MAPKAP1: variants seen among roughly 807,000 people sequenced by gnomAD.
The protein encoded by MAPKAP1 is MAPK associated protein 1, also known as target of rapamycin complex 2 subunit MAPKAP1.
MAPKAP1 carries 20 observed loss-of-function variants against 65.7 expected under a neutral mutation model. The observed-to-expected ratio is 0.30, with a 90% CI of 0.21 to 0.44. The LOEUF (loss-of-function observed/expected upper bound fraction) is 0.44. Among genes scored for constraint, MAPKAP1 ranks in the 20% least tolerant of loss-of-function variants. MAPKAP1 has a pLI of 1.00. For synonymous variants in MAPKAP1, 222 were observed against 244.3 expected (o/e 0.91, Z 0.85); for missense variants, 423 against 648.0 (o/e 0.65, Z 3.77).
chr9:125,659,833 A>G (rs1247487017), intron 3 of MAPKAP1, among the ~76,000 whole-genome samples: 3 of 151,880 alleles, frequency 2.0e-5, no homozygotes, highest in Non-Finnish European at 4.4e-5. Flanking sequence ...CTCTACTTCC[A>G]TTCAATCAAA....
chr9:125,572,782 T>G (rs1589299088), intron 5 of MAPKAP1: 2 of 152,326 alleles, frequency 1.3e-5, no homozygotes, highest in South Asian at 2.1e-4. Context: ...TGGAATAACT[T>G]TACTTATTTT....
intron 4 of MAPKAP1, among the ~76,000 whole-genome samples, chr9:125,624,467 C>T (rs1202546554): frequency 1.9e-4 from 21 of 112,722 alleles, no homozygotes; most frequent in African/African-American, 6.2e-4. Flanking sequence ...GCCAGCCGCC[C>T]CGTCCGGGAG....
Position 125,595,526 on chromosome 9 carries a change from T to C in MAPKAP1, c.499-9799A>G. The C allele has an allele frequency of 8.9e-7, 1 of 1,127,000 alleles. No homozygotes were observed. The highest frequency in any genetic ancestry group is 1.1e-6 in the Non-Finnish European group (1 of 915,922). 69.8% of individuals were successfully genotyped at this position (1,127,000 alleles called of 1,614,324 possible). A position where few individuals can be genotyped will look rare whatever the true frequency, so the allele number is the denominator to read the frequency against. On this transcript the variant is annotated intron_variant, in intron 4 of 11. Coordinates refer to ENST00000265960, the MANE Select transcript of MAPKAP1 (RefSeq NM_001006617.3). The surrounding 1 kb of genome is among the most constrained non-coding windows in gnomAD (Gnocchi z 4.0). ...ATCATATACCTGATAGTTTCCAAAG[T>C]AGGAGAAGCAATAAGAATACAGATG...
chr9:125,656,781 T>C (rs1834043928), intron 4 of MAPKAP1, among the ~76,000 whole-genome samples: 1 of 151,908 alleles, frequency 6.6e-6, no homozygotes, highest in African/African-American at 2.4e-5. Context: ...TGGCAATAAA[T>C]ACAAAAATCA....
In MAPKAP1 at chr9:125,597,058, C is replaced by T. The variant is rs576823823; in HGVS notation, c.499-11331G>A. Among the ~76,000 whole-genome samples the T allele has an allele frequency of 6.0e-4, 90 of 150,442 alleles. 1 individual carries two copies. Among genetic ancestry groups the T allele is most frequent in the Middle Eastern group, 3.6e-3 (1 of 280 alleles). ...CGGGCAGATCACGAGGTCAGGAGAT[C>T]GAGACCATCCTGGCTAACAAAGTGA... is the stretch of plus-strand genomic sequence containing the variant. On this transcript the variant is annotated intron_variant, in intron 4 of 11. Transcript: ENST00000265960.
intron 5 of MAPKAP1, among the ~76,000 whole-genome samples, chr9:125,575,392 C>G (rs557215242): frequency 6.6e-6 from 1 of 152,190 alleles, no homozygotes; most frequent in African/African-American, 2.4e-5. Flanking sequence ...GAGATAAGCC[C>G]TCAAATAGCT....
Position 125,595,881 on chromosome 9 carries a change from T to G in MAPKAP1, c.499-10154A>C. ...ACTGTGGAGGAGGTGGATGCAGCCA[T>G]GAATGCAAGGCCACACAAGGTGGAT... On this transcript the variant is annotated intron_variant, in intron 4 of 11. Transcript: ENST00000265960. This position sits in a 1 kb window ranked among gnomAD's most constrained non-coding sequence, Gnocchi z 4.0. 1 of 1,162,794 alleles carries G rather than the reference T, an allele frequency of 8.6e-7. No individual in the cohort carries two copies. Among genetic ancestry groups the G allele is most frequent in the Non-Finnish European group, 1.3e-6 (1 of 783,598 alleles). The allele number at this position is 1,162,794 out of a possible 1,614,324, so 72.0% of individuals were successfully genotyped here.
rs374025668 is a variant in MAPKAP1 at position 125,438,933 on chromosome 9, C to T, written c.1523G>A (p.Arg508His). 131 of 1,614,118 alleles carry T rather than the reference C, an allele frequency of 8.1e-5. 1 individual carries two copies. The highest frequency in any genetic ancestry group is 2.5e-5 in the Non-Finnish European group (29 of 1,180,034). ...CTCCTTCTGGAAGCTGAAGCTCGTA[C>T]GTCTGTTCAGTTTTCTTTGTTTTTG... ...FAQKQRKLNR[R>H]TSFSFQKEKK... Residue 508 changes from arginine (R) to histidine (H), a missense_variant, in exon 12 of 12, where the codon CGT becomes CAT. Physicochemically the swap from Arg to His is conservative, Grantham distance 29. This residue lies in a region of MAPKAP1 where 185 missense variants were observed against 268.1 expected (regional missense o/e 0.69). Coordinates refer to ENST00000265960, the MANE Select transcript of MAPKAP1 (RefSeq NM_001006617.3).
chr9:125,704,690 C>T (rs937959927), intron 1 of MAPKAP1, among the ~76,000 whole-genome samples: 3 of 152,162 alleles, frequency 2.0e-5, no homozygotes, highest in Non-Finnish European at 2.9e-5. Flanking sequence ...TGACCCCTAC[C>T]GCCCCTCCAA....
At chr9:125,652,284 G>A (rs749002693) in intron 4 of MAPKAP1, 2 of 1,199,774 alleles carry the variant, frequency 1.7e-6, no homozygotes, top group South Asian at 1.6e-5. Context: ...ATGCAAAAAT[G>A]TATTTAAGGA....
chr9:125,500,223 T>C (rs117282121), intron 8 of MAPKAP1, among the ~76,000 whole-genome samples: 4,542 of 152,208 alleles, frequency 0.03, 83 homozygotes, highest in South Asian at 0.057. Flanking sequence ...AGTCTCACTC[T>C]GTCACCCAGG....
chr9:125,464,815 A>G (rs1054325447), intron 10 of MAPKAP1, among the ~76,000 whole-genome samples: 1 of 152,222 alleles, frequency 6.6e-6, no homozygotes, highest in African/African-American at 2.4e-5. Flanking sequence ...CAAGTCAGCT[A>G]TTCACACACT....
intron 9 of MAPKAP1, among the ~76,000 whole-genome samples, chr9:125,477,184 T>C (rs1854142235): frequency 6.6e-6 from 1 of 152,196 alleles, no homozygotes; most frequent in Admixed American, 6.5e-5. Flanking sequence ...TACAGAATTA[T>C]TTTATTAGGT....
intron 4 of MAPKAP1, among the ~76,000 whole-genome samples, chr9:125,591,212 A>C (rs1215847491): frequency 6.6e-6 from 1 of 152,180 alleles, no homozygotes. Context: ...GTAAACACCA[A>C]CGCCTTCTTT....
At chr9:125,468,816 G>A (rs748959753) in intron 9 of MAPKAP1, among the ~76,000 whole-genome samples, 1 of 152,208 alleles carries the variant, frequency 6.6e-6, no homozygotes, top group Non-Finnish European at 1.5e-5. Flanking sequence ...CAGGAATCCA[G>A]AATGTTCAAT....
At chr9:125,644,528 T>A (rs1235617587) in intron 4 of MAPKAP1, among the ~76,000 whole-genome samples, 1 of 152,244 alleles carries the variant, frequency 6.6e-6, no homozygotes, top group Non-Finnish European at 1.5e-5. Flanking sequence ...TATACATCCT[T>A]TTCCATAGAA....
Position 125,556,014 on chromosome 9 carries a change from T to C in MAPKAP1, c.848+3619A>G, listed in dbSNP as rs1307183939. On this transcript the variant is annotated intron_variant, in intron 6 of 11. Coordinates refer to ENST00000265960, the MANE Select transcript of MAPKAP1 (RefSeq NM_001006617.3). Reference sequence around the variant, plus strand: ...CACAGTAATGGAGTGATGGTGAGTATTGTGGGCACAGATAATTCAGTTCTT... The same window carrying C: ...CACAGTAATGGAGTGATGGTGAGTACTGTGGGCACAGATAATTCAGTTCTT... Among the ~76,000 whole-genome samples the C allele has an allele frequency of 4.6e-5, 7 of 152,346 alleles. No individual in the cohort carries two copies. The East Asian group carries it at 9.6e-4, about 21-fold the overall frequency.
intron 9 of MAPKAP1, among the ~76,000 whole-genome samples, chr9:125,470,825 A>AT (rs549564645): frequency 2.0e-4 from 30 of 150,500 alleles, no homozygotes; most frequent in African/African-American, 4.9e-4. Flanking sequence ...TGTGAATCAG[A>AT]TTTTTTTTTT....
At chr9:125,612,260 T>C (rs1327026151) in intron 4 of MAPKAP1, among the ~76,000 whole-genome samples, 1 of 152,182 alleles carries the variant, frequency 6.6e-6, no homozygotes, top group Non-Finnish European at 1.5e-5. Context: ...ATTTAGAATA[T>C]TGCAACCAAC....
Sources: gnomAD v4.1 joint callset for allele counts (sites outside exome capture counted in the v4.1 genomes callset) on GRCh38, gnomAD v4.1.1 for gene constraint, gnomAD v4.1.1 regional missense constraint, Gnocchi (gnomAD v3.1) non-coding constraint, MANE v1.5 for transcripts, NCBI Gene and HGNC (gene_info 2026-07-23, HGNC 2026-07-21) for gene names.